Variants in TENM3 observed in about 807,000 individuals in gnomAD.
The protein encoded by TENM3 is teneurin-3.
Under a neutral mutation model 255.1 loss-of-function variants are expected in TENM3, and 63 were observed. The ratio of observed to expected loss-of-function variants is 0.25; its 90% CI spans 0.20 to 0.30. TENM3 has a LOEUF of 0.30. Ranked by LOEUF, TENM3 falls within the 10% of genes least tolerant of loss-of-function variation. The probability of loss-of-function intolerance (pLI) is 1.00; values close to 1 mark genes in which losing one functional copy is unlikely to be tolerated. For synonymous variants in TENM3, 1,306 were observed against 1,322.3 expected, an observed-to-expected ratio of 0.99 and a Z score of 0.27; for missense variants, 2,929 against 3,461.1, an observed-to-expected ratio of 0.85 and a Z score of 3.86.
At chr4:182,162,420 A>C (rs1404319221) in intron 1 of TENM3, among the ~76,000 whole-genome samples, 2 of 152,176 alleles carry the variant, frequency 1.3e-5, no homozygotes, top group Non-Finnish European at 2.9e-5. Flanking sequence ...ACAAACTAAC[A>C]CTGTGAGCTA....
At chr4:182,607,939 A>G (rs1326340730) in intron 4 of TENM3, among the ~76,000 whole-genome samples, 1 of 152,168 alleles carries the variant, frequency 6.6e-6, no homozygotes, top group Admixed American at 6.5e-5. Context: ...TGAACAGTGT[A>G]AAAGGTAATC....
chr4:181,494,633 T>A, the TENM3 span, among the ~76,000 whole-genome samples: 1 of 152,118 alleles, frequency 6.6e-6, no homozygotes. Flanking sequence ...TGTTCAGTGG[T>A]CTTACACGTA....
chr4:182,007,671 T>G, the TENM3 span, among the ~76,000 whole-genome samples: 328 of 152,360 alleles, frequency 2.2e-3, 2 homozygotes, highest in African/African-American at 7.1e-3. Context: ...TCTTGACATC[T>G]TATCCAATTT....
chr4:182,506,698 AATAGATATTGTAC>A, intron 3 of TENM3, among the ~76,000 whole-genome samples: 1 of 152,350 alleles, frequency 6.6e-6, no homozygotes, highest in South Asian at 2.1e-4. Context: ...TAAATGAACT[AATAGATATTGTAC>A]ATAAAAGATT....
intron 3 of TENM3, among the ~76,000 whole-genome samples, chr4:182,517,364 AAAAC>A (rs1484240346): frequency 6.6e-6 from 1 of 151,448 alleles, no homozygotes; most frequent in Non-Finnish European, 1.5e-5. Flanking sequence ...GGTTTAAAAA[AAAAC>A]AAAGTTCATT....
At chr4:182,005,723 T>C in the TENM3 span, among the ~76,000 whole-genome samples, 1 of 152,204 alleles carries the variant, frequency 6.6e-6, no homozygotes, top group Non-Finnish European at 1.5e-5. Flanking sequence ...TTTCCATATA[T>C]TTGTTTCCTC....
the TENM3 span, among the ~76,000 whole-genome samples, chr4:181,688,963 A>C: frequency 6.6e-6 from 1 of 152,168 alleles, no homozygotes; most frequent in African/African-American, 2.4e-5. Flanking sequence ...GTGAGGATAT[A>C]TCAAATAATC....
the TENM3 span, among the ~76,000 whole-genome samples, chr4:182,076,102 G>A: frequency 6.6e-6 from 1 of 151,602 alleles, no homozygotes; most frequent in East Asian, 1.9e-4. Flanking sequence ...ATAGAGATGA[G>A]GTCTCACTAT....
At chr4:181,662,968 T>C in the TENM3 span, among the ~76,000 whole-genome samples, 1 of 152,208 alleles carries the variant, frequency 6.6e-6, no homozygotes, top group African/African-American at 2.4e-5. Context: ...ATAGTTTTTA[T>C]AGCTCAACGA....
chr4:182,248,551 T>G (rs1258434252), intron 1 of TENM3, among the ~76,000 whole-genome samples: 2 of 152,228 alleles, frequency 1.3e-5, no homozygotes, highest in African/African-American at 4.8e-5. Context: ...TTTAAGTAGA[T>G]GGTTAAATAT....
intron 1 of TENM3, among the ~76,000 whole-genome samples, chr4:182,203,699 G>C (rs1754355437): frequency 6.6e-6 from 1 of 152,136 alleles, no homozygotes; most frequent in Non-Finnish European, 1.5e-5. Flanking sequence ...AGTTTTGGTG[G>C]CTGCACTGGA....
the TENM3 span, among the ~76,000 whole-genome samples, chr4:181,825,770 T>G: frequency 6.6e-6 from 1 of 152,236 alleles, no homozygotes; most frequent in Admixed American, 6.5e-5. Context: ...GGTGAACATA[T>G]GCCTTAGAAC....
chr4:181,991,661 G>C, the TENM3 span, among the ~76,000 whole-genome samples: 1 of 152,060 alleles, frequency 6.6e-6, no homozygotes, highest in African/African-American at 2.4e-5. Flanking sequence ...GGCACTAATT[G>C]GTTGACATTC....
chr4:182,571,904 T>C (rs1012634646), intron 3 of TENM3, among the ~76,000 whole-genome samples: 1 of 150,298 alleles, frequency 6.7e-6, no homozygotes, highest in Non-Finnish European at 1.5e-5. Flanking sequence ...CTGTTTATTG[T>C]TGTTGTTGTT....
the TENM3 span, among the ~76,000 whole-genome samples, chr4:181,705,199 C>T: frequency 2.0e-5 from 3 of 152,112 alleles, no homozygotes; most frequent in Non-Finnish European, 4.4e-5. Context: ...AGAAAAAGCA[C>T]AATCTGCACT....
At chr4:182,037,150 A>ATTTTTTTTTTTTTTTTTTTTTTTTTT in the TENM3 span, among the ~76,000 whole-genome samples, 1 of 144,682 alleles carries the variant, frequency 6.9e-6, no homozygotes, top group African/African-American at 2.6e-5. Context: ...AACTCCTTTT[A>ATTTTTTTTTTTTTTTTTTTTTTTTTT]TTTTTTTTTT....
chr4:181,489,807 C>A, the TENM3 span, among the ~76,000 whole-genome samples: 1 of 152,124 alleles, frequency 6.6e-6, no homozygotes. Flanking sequence ...TTCAGCCCAA[C>A]ATAGCTTGCA....
At chr4:182,526,700 T>G (rs1739223819) in intron 3 of TENM3, among the ~76,000 whole-genome samples, 1 of 152,212 alleles carries the variant, frequency 6.6e-6, no homozygotes, top group African/African-American at 2.4e-5. Flanking sequence ...ATAAATGAAT[T>G]GCACTAATTT....
At chr4:181,962,384 G>A in the TENM3 span, among the ~76,000 whole-genome samples, 2 of 152,060 alleles carry the variant, frequency 1.3e-5, no homozygotes, top group African/African-American at 4.8e-5. Context: ...TGTAACTCAG[G>A]GTCTGCCCTC....
Sources: gnomAD v4.1 joint callset for allele counts (sites outside exome capture counted in the v4.1 genomes callset) on GRCh38, gnomAD v4.1.1 for gene constraint, MANE v1.5 for transcripts, NCBI Gene and HGNC (gene_info 2026-07-23, HGNC 2026-07-21) for gene names.